Variants in ELMO2 observed in about 807,000 individuals in gnomAD.
The protein encoded by ELMO2 is engulfment and cell motility protein 2.
In ELMO2, 37 loss-of-function variants were observed where a neutral mutation model predicts 96.2. The observed-to-expected ratio is 0.38, with a 90% CI of 0.30 to 0.51. ELMO2 has a LOEUF of 0.51. Ranked by LOEUF, ELMO2 falls within the 20% of genes least tolerant of loss-of-function variation. The pLI, the probability that ELMO2 is intolerant of heterozygous loss-of-function variation, is 0.88. For missense variants in ELMO2, 561 were observed against 912.6 expected (o/e 0.61, Z 4.96); for synonymous variants, 315 against 329.4 (o/e 0.96, Z 0.47).
At chr20:46,368,075 ATCCCACCGC>A (rs2059621332) in intron 21 of ELMO2, among the ~76,000 whole-genome samples, 1 of 152,138 alleles carries the variant, frequency 6.6e-6, no homozygotes, top group Non-Finnish European at 1.5e-5. Context: ...AAGCCTTCTG[ATCCCACCGC>A]TCCCTGACTC....
At chr20:46,391,230 G>A (rs2060144863) in intron 6 of ELMO2, among the ~76,000 whole-genome samples, 1 of 152,158 alleles carries the variant, frequency 6.6e-6, no homozygotes, top group Admixed American at 6.5e-5. Flanking sequence ...AACATGATGG[G>A]AGGAATATGG....
In ELMO2 at chr20:46,370,865, A is replaced by G. The variant is rs192875778; in HGVS notation, c.1802-340T>C. Among the ~76,000 whole-genome samples, 1,025 of 152,282 alleles carry G rather than the reference A, an allele frequency of 6.7e-3. 22 individuals carry two copies. Among genetic ancestry groups the G allele is most frequent in the African/African-American group, 0.023 (973 of 41,546 alleles). On this transcript the variant is annotated intron_variant, in intron 19 of 21. Coordinates refer to ENST00000290246, the MANE Select transcript of ELMO2 (RefSeq NM_133171.5). ...GGCGATGATGATGCCATCATCGCCAACAGCAGTGGCAGCTGCTAACAGTTA... is the reference window on the plus strand; with the variant it reads ...GGCGATGATGATGCCATCATCGCCAGCAGCAGTGGCAGCTGCTAACAGTTA...
rs969876712 is a variant in ELMO2, at chr20:46,367,291, C to T, written c.*69G>A. The T allele has an allele frequency of 4.5e-6, 6 of 1,342,970 alleles. No individual in the cohort carries two copies. In the Admixed American group the frequency reaches 9.4e-5, roughly 21 times the overall value. The allele number at this position is 1,342,970 out of a possible 1,614,324, so 83.2% of individuals were successfully genotyped here. A position where few individuals can be genotyped will look rare whatever the true frequency, so the allele number is the denominator to read the frequency against. ...TTCTGTACAAGCAAAAGACAAGGCA[C>T]CAGAATGTAAGTGTTTCTCCTGGGC... On this transcript the variant is annotated 3_prime_UTR_variant, in exon 22 of 22. Transcript: ENST00000290246.
chr20:46,374,284 T>G (rs1568753110), intron 15 of ELMO2, 48 bp downstream of exon 15: 3 of 1,496,318 alleles, frequency 2.0e-6, no homozygotes, highest in Non-Finnish European at 2.8e-6. Context: ...CTCACTGAGC[T>G]CTTGATGACA....
intron 11 of ELMO2, among the ~76,000 whole-genome samples, chr20:46,377,808 C>T (rs1360837244): frequency 6.6e-6 from 1 of 152,198 alleles, no homozygotes; most frequent in Non-Finnish European, 1.5e-5. Context: ...TCTTTCATCT[C>T]TCTAGCCTTA....
At chr20:46,389,738 A>C (rs1465350384) in intron 6 of ELMO2, among the ~76,000 whole-genome samples, 1 of 152,078 alleles carries the variant, frequency 6.6e-6, no homozygotes, top group African/African-American at 2.4e-5. Context: ...AGTCCTAGCT[A>C]CTCAGGAGGC....
Position 46,375,621 on chromosome 20 carries a change from G to T in ELMO2, c.930+47C>A. 6.2e-7 allele frequency: 1 copy of T among 1,612,782 alleles called. No homozygotes were observed. Among genetic ancestry groups the T allele is most frequent in the Non-Finnish European group, 8.5e-7 (1 of 1,179,016 alleles). Reference sequence around the variant, plus strand: ...GTGCCTGGCACATAGACTAAGGCTGGACTGCACCACAGCCATGAGAAAACA... The same window carrying T: ...GTGCCTGGCACATAGACTAAGGCTGTACTGCACCACAGCCATGAGAAAACA... On this transcript the variant is annotated intron_variant, in intron 12 of 21. Coordinates refer to ENST00000290246, the MANE Select transcript of ELMO2 (RefSeq NM_133171.5). The surrounding 1 kb of genome is among the most constrained non-coding windows in gnomAD (Gnocchi z 4.6).
At chr20:46,405,452 C>A (rs940321210) in intron 1 of ELMO2, among the ~76,000 whole-genome samples, 1 of 152,146 alleles carries the variant, frequency 6.6e-6, no homozygotes, top group African/African-American at 2.4e-5. Context: ...GTGGAGAGCA[C>A]TGAGCAAGCG....
At chr20:46,401,616 C>T (rs545785333) in intron 1 of ELMO2, among the ~76,000 whole-genome samples, 1 of 152,312 alleles carries the variant, frequency 6.6e-6, no homozygotes, top group African/African-American at 2.4e-5. Context: ...ATTCAACTTA[C>T]TCCAGTTCCA....
In ELMO2 at chr20:46,394,029, C is replaced by G; in HGVS notation, c.119+20G>C. 1.2e-6 allele frequency: 2 copies of G among 1,613,918 alleles called. No individual in the cohort carries two copies. Among genetic ancestry groups the G allele is most frequent in the Non-Finnish European group, 1.7e-6 (2 of 1,179,960 alleles). ...CAGTCGGAGCTGCCACTGTTGAAAACGAGGTCCATTTCAACCTACCCATCA... is the reference window on the plus strand; with the variant it reads ...CAGTCGGAGCTGCCACTGTTGAAAAGGAGGTCCATTTCAACCTACCCATCA... On this transcript the variant is annotated intron_variant, in intron 4 of 21. Coordinates refer to ENST00000290246, the MANE Select transcript of ELMO2 (RefSeq NM_133171.5).
chr20:46,381,486 T>A (rs1271975990), intron 10 of ELMO2, among the ~76,000 whole-genome samples: 2 of 152,212 alleles, frequency 1.3e-5, no homozygotes, highest in Non-Finnish European at 2.9e-5. Flanking sequence ...AAATGGCTAA[T>A]GCTGCCAGGA....
At chr20:46,376,466 CCT>C (rs752595858) in intron 11 of ELMO2, among the ~76,000 whole-genome samples, 22 of 152,190 alleles carry the variant, frequency 1.4e-4, no homozygotes, top group South Asian at 8.3e-4. Context: ...CCCACATTCC[CCT>C]GTCGGTTCAT....
intron 15 of ELMO2, 97 bp from the exon 16 acceptor site, chr20:46,373,632 A>G: frequency 6.6e-7 from 1 of 1,515,958 alleles, no homozygotes; most frequent in Non-Finnish European, 8.9e-7. Context: ...CCGAGGAACA[A>G]AAGCAGCCTA....
chr20:46,383,287 C>G (rs2059988439), intron 10 of ELMO2, 129 bp downstream of exon 10: 2 of 994,262 alleles, frequency 2.0e-6, no homozygotes, highest in South Asian at 1.4e-5. Context: ...GGGCTCCAGA[C>G]CAGACAGCTA....
At chr20:46,397,649 C>T (rs1339500917) in intron 2 of ELMO2, among the ~76,000 whole-genome samples, 3 of 152,076 alleles carry the variant, frequency 2.0e-5, no homozygotes, top group African/African-American at 4.8e-5. Context: ...CCAGCCTGGG[C>T]GACGGAATGA....
chr20:46,373,535 G>C lies in ELMO2; in HGVS notation c.1280C>G (p.Pro427Arg). The C allele has an allele frequency of 6.2e-7, 1 of 1,613,772 alleles. No individual in the cohort carries two copies. Among genetic ancestry groups the C allele is most frequent in the Non-Finnish European group, 8.5e-7 (1 of 1,179,694 alleles). The change falls in exon 16 of 22, where the codon CCA becomes CGA. Residue 427 changes from proline to arginine, a missense_variant and splice_region_variant. Physicochemically the swap from Pro to Arg is moderately radical, Grantham distance 103. Coordinates refer to ENST00000290246, the MANE Select transcript of ELMO2 (RefSeq NM_133171.5). ...LCEILQVGEL[P>R]NEGRNDYHPM... ...GTGGTAGTCATTGCGTCCTTCATTT[G>C]CTGTGGAAGTGAAAAAACAGGGAGA... is the stretch of plus-strand genomic sequence containing the variant.
chr20:46,388,147 C>G (rs2060082917), intron 7 of ELMO2, among the ~76,000 whole-genome samples: 1 of 152,184 alleles, frequency 6.6e-6, no homozygotes, highest in Non-Finnish European at 1.5e-5. Context: ...CAATACTTCT[C>G]ACAATAATAC....
intron 7 of ELMO2, among the ~76,000 whole-genome samples, chr20:46,388,824 T>C (rs2060096459): frequency 1.3e-5 from 2 of 152,200 alleles, no homozygotes; most frequent in Non-Finnish European, 2.9e-5. Context: ...TTTGTACTGT[T>C]ATTTAATTTG....
chr20:46,405,451 AC>A (rs1205001462), intron 1 of ELMO2, among the ~76,000 whole-genome samples: 4 of 152,210 alleles, frequency 2.6e-5, no homozygotes, highest in Non-Finnish European at 5.9e-5. Context: ...TGTGGAGAGC[AC>A]TGAGCAAGCG....
Sources: allele counts gnomAD v4.1 joint callset (sites outside exome capture counted in the v4.1 genomes callset), GRCh38; gene constraint gnomAD v4.1.1; non-coding constraint Gnocchi (gnomAD v3.1); transcripts MANE v1.5; gene names NCBI Gene and HGNC (gene_info 2026-07-23, HGNC 2026-07-21).